Variants in OR2G6 observed in about 807,000 individuals in gnomAD.
OR2G6 encodes olfactory receptor family 2 subfamily G member 6.
For synonymous variants in OR2G6, 183 were observed against 155.2 expected, an observed-to-expected ratio of 1.18 and a Z score of -1.33; for missense variants, 457 against 391.3, an observed-to-expected ratio of 1.17 and a Z score of -1.42.
intron 1 of OR2G6, 104 bp from the exon 2 acceptor site, chr1:248,521,507 A>G: frequency 1.6e-6 from 1 of 639,594 alleles, no homozygotes; most frequent in Non-Finnish European, 2.7e-6. Context: ...AGGTCTTCAC[A>G]ACATGTTTTA....
Position 248,526,891 on chromosome 1 carries a change from T to A in OR2G6, c.*4294T>A, listed in dbSNP as rs566277813. 5 of 152,078 alleles carry A rather than the reference T, an allele frequency of 3.3e-5. No individual in the cohort carries two copies. The highest frequency in any genetic ancestry group is 6.6e-5 in the Admixed American group (1 of 15,256). 9.4% of individuals were successfully genotyped at this position (152,078 alleles called of 1,614,324 possible). A position where few individuals can be genotyped will look rare whatever the true frequency, so the allele number is the denominator to read the frequency against. On this transcript the variant is annotated 3_prime_UTR_variant, in exon 2 of 2. Transcript: ENST00000641804. ...AGTTCTTTGTAGATTCTGGATATTA[T>A]CCCTTTGTCAGATGAGTAGACTGCA... is the stretch of plus-strand genomic sequence containing the variant.
rs1396055615 is a variant in OR2G6, at chr1:248,526,728, T to C, written c.*4131T>C. 3.9e-5 allele frequency: 6 copies of C among 152,250 alleles called. No individual in the cohort carries two copies. Among genetic ancestry groups the C allele is most frequent in the African/African-American group, 1.4e-4 (6 of 41,470 alleles). The allele number at this position is 152,250 out of a possible 1,614,324, so 9.4% of individuals were successfully genotyped here. ...AGATGATATCTCATTGTGGTTTTGATTTGCATTTCTCTGATGGCCAGTGAT... is the reference window on the plus strand; with the variant it reads ...AGATGATATCTCATTGTGGTTTTGACTTGCATTTCTCTGATGGCCAGTGAT... On this transcript the variant is annotated 3_prime_UTR_variant, in exon 2 of 2. Transcript: ENST00000641804.
At position 248,522,329 on chromosome 1, in the gene OR2G6, T is replaced by C; in HGVS notation, c.683T>C (p.Ile228Thr). The C allele has an allele frequency of 6.2e-7, 1 of 1,614,158 alleles. No individual in the cohort carries two copies. Among genetic ancestry groups the C allele is most frequent in the Non-Finnish European group, 8.5e-7 (1 of 1,180,028 alleles). ...TTTATCACTCAAGCTGTGTTAAGGA[T>C]AAAATCAGCTGCGGGCCGCCAAAAG... ...YGFITQAVLR[I>T]KSAAGRQKAF... Residue 228 changes from isoleucine (I) to threonine (T), a missense_variant, in exon 2 of 2, where the codon ATA (isoleucine) becomes ACA (threonine). Transcript: ENST00000641804.
rs778185012 is a variant in OR2G6 at position 248,522,144 on chromosome 1, G to A, written c.498G>A (p.Leu166=). ...SLIQCSLTVQ[L]PLCGHRTLDH... ...TTCAGTGCTCCCTCACTGTGCAGCTGCCCCTCTGTGGTCATCGCACACTGG... is the reference window on the plus strand; with the variant it reads ...TTCAGTGCTCCCTCACTGTGCAGCTACCCCTCTGTGGTCATCGCACACTGG... Residue 166 remains leucine, a synonymous_variant, in exon 2 of 2, where the codon CTG becomes CTA. Transcript: ENST00000641804. The A allele has an allele frequency of 6.2e-7, 1 of 1,613,904 alleles. No homozygotes were observed. The highest frequency in any genetic ancestry group is 1.3e-5 in the African/African-American group (1 of 74,902).
rs547309005 is a variant in OR2G6, at chr1:248,508,995, T to G, written c.-37+566T>G. Among the ~76,000 whole-genome samples the G allele has an allele frequency of 2.2e-3, 251 of 113,546 alleles. 48 individuals are homozygous for G. The highest frequency in any genetic ancestry group is 9.4e-3 in the African/African-American group (232 of 24,692). 74.5% of individuals were successfully genotyped at this position (113,546 alleles called of 152,430 possible). ...TTGAGATCGTTTGTCATGTCTAAATTTGTTCATCATAATATATCCTGAGCT... is the reference window on the plus strand; with the variant it reads ...TTGAGATCGTTTGTCATGTCTAAATGTGTTCATCATAATATATCCTGAGCT... On this transcript the variant is annotated intron_variant, in intron 1 of 1. Coordinates refer to ENST00000641804, the MANE Select transcript of OR2G6 (RefSeq NM_001013355.2).
In OR2G6 at chr1:248,522,423, C is replaced by G. The variant is rs1337845077; in HGVS notation, c.777C>G (p.Tyr259Ter). Residue 259 changes from tyrosine (Y) to a stop codon, truncating the protein, a stop_gained, in exon 2 of 2, where the codon TAC becomes TAG. Coordinates refer to ENST00000641804, the MANE Select transcript of OR2G6 (RefSeq NM_001013355.2). LOFTEE classifies it low-confidence loss of function (END_TRUNC). ...IIFYGTIIFM[Y>*]LQPANRRSKN... ...TCTATGGGACCATCATATTCATGTA[C>G]CTTCAACCGGCCAATAGGAGATCCA... 1 of 1,614,034 alleles carries G rather than the reference C, an allele frequency of 6.2e-7. No individual in the cohort carries two copies. The highest frequency in any genetic ancestry group is 8.5e-7 in the Non-Finnish European group (1 of 1,180,034).
chr1:248,519,621 T>C (rs1471240453), intron 1 of OR2G6, among the ~76,000 whole-genome samples: 1 of 152,168 alleles, frequency 6.6e-6, no homozygotes. Context: ...TTGTCAGTTT[T>C]GTCAAAGATC....
In OR2G6 at chr1:248,522,316, G is replaced by GGAGA. The variant is rs1664308459; in HGVS notation, c.670_671insGAGA (p.Ala224GlyfsTer43). The GGAGA allele has an allele frequency of 1.2e-6, 2 of 1,614,042 alleles. No individual in the cohort carries two copies. The highest frequency in any genetic ancestry group is 1.3e-5 in the African/African-American group (1 of 74,900). ...AGTCTCCTATGGCTTTATCACTCAA[G>GGAGA]CTGTGTTAAGGATAAAATCAGCTGC... On this transcript the variant is annotated frameshift_variant, in exon 2 of 2. Transcript: ENST00000641804. LOFTEE classifies it low-confidence loss of function (END_TRUNC).
rs1664290358 is a variant in OR2G6 at position 248,521,779 on chromosome 1, C to A, written c.133C>A (p.Leu45Ile). 1.2e-6 allele frequency: 2 copies of A among 1,613,916 alleles called. No homozygotes were observed. The highest frequency in any genetic ancestry group is 1.3e-5 in the African/African-American group (1 of 74,918). ...CTTGAGCCTTCTGGGGAACACTGCC[C>A]TCATACTAGTATGTTGTCTGGACTC... The part of the protein sequence containing the change: ...YVLSLLGNTA[L>I]ILVCCLDSRL... The change falls in exon 2 of 2, where the codon CTC becomes ATC. Residue 45 changes from leucine (L) to isoleucine (I), a missense_variant. Leu to Ile is a conservative substitution (Grantham distance 5). Transcript: ENST00000641804.
chr1:248,520,701 C>A (rs35821898), intron 1 of OR2G6, among the ~76,000 whole-genome samples: 29,670 of 151,594 alleles, frequency 0.2, 3,145 homozygotes, highest in African/African-American at 0.25. Context: ...GGTGAAACAC[C>A]ATTTGTACTA....
At chr1:248,521,395 A>G (rs1007018811) in intron 1 of OR2G6, among the ~76,000 whole-genome samples, 1 of 152,192 alleles carries the variant, frequency 6.6e-6, no homozygotes, top group African/African-American at 2.4e-5. Flanking sequence ...AATAAAACAA[A>G]TGTTAATACA....
At chr1:248,520,343 C>G (rs986328275) in intron 1 of OR2G6, among the ~76,000 whole-genome samples, 1 of 152,098 alleles carries the variant, frequency 6.6e-6, no homozygotes, top group Non-Finnish European at 1.5e-5. Flanking sequence ...AATTTGATGG[C>G]TGCAGGAAAC....
At position 248,521,645 on chromosome 1, in the gene OR2G6, A is replaced by C. The variant is rs775413703; in HGVS notation, c.-2A>C. ...CTGAAGAGTCCTGAAGCTGCAGGAA[A>C]AATGGAGGAAACCAACAACAGCTCT... is the stretch of plus-strand genomic sequence containing the variant. On this transcript the variant is annotated 5_prime_UTR_variant, in exon 2 of 2. Coordinates refer to ENST00000641804, the MANE Select transcript of OR2G6 (RefSeq NM_001013355.2). The C allele has an allele frequency of 2.5e-6, 4 of 1,608,928 alleles. No homozygotes were observed.
Position 248,523,497 on chromosome 1 carries a change from G to A in OR2G6, c.*900G>A, listed in dbSNP as rs530888274. On this transcript the variant is annotated 3_prime_UTR_variant, in exon 2 of 2. Transcript: ENST00000641804. ...TTTTGGCCTTAAACTCTGGAAAACA[G>A]TTACTTATGTAATTTTATACTTCAA... 1 of 151,888 alleles carries A rather than the reference G, an allele frequency of 6.6e-6. No homozygotes were observed. Among genetic ancestry groups the A allele is most frequent in the African/African-American group, 2.4e-5 (1 of 41,248 alleles). 9.4% of individuals were successfully genotyped at this position (151,888 alleles called of 1,614,324 possible). A position where few individuals can be genotyped will look rare whatever the true frequency, so the allele number is the denominator to read the frequency against.
At position 248,525,992 on chromosome 1, in the gene OR2G6, T is replaced by C. The variant is rs1456966083; in HGVS notation, c.*3395T>C. 6.7e-6 allele frequency: 1 copy of C among 149,372 alleles called. No individual in the cohort carries two copies. The highest frequency in any genetic ancestry group is 2.5e-5 in the African/African-American group (1 of 40,612). The allele number at this position is 149,372 out of a possible 1,614,324, so 9.3% of individuals were successfully genotyped here. On this transcript the variant is annotated 3_prime_UTR_variant, in exon 2 of 2. Transcript: ENST00000641804. ...AAGATCGTGCCACTGTACTCCAGCC[T>C]GGGCAACAGAGCAAGACTCCATCTC...
chr1:248,519,954 A>G (rs1408550899), intron 1 of OR2G6, among the ~76,000 whole-genome samples: 1 of 119,668 alleles, frequency 8.4e-6, no homozygotes, highest in Non-Finnish European at 1.7e-5. Flanking sequence ...ATTATAAATC[A>G]TTCTATAAAG....
Position 248,522,487 on chromosome 1 carries a change from G to T in OR2G6, c.841G>T (p.Val281Phe). ...GTTTGTTTCTCTTTTCTATACCATA[G>T]TCACCCCACTTTTAAACCCCATTAT... is the stretch of plus-strand genomic sequence containing the variant. ...GKFVSLFYTIVTPLLNPIIYT... is the reference protein window; with the variant it reads ...GKFVSLFYTIFTPLLNPIIYT... Residue 281 changes from valine to phenylalanine, a missense_variant, in exon 2 of 2, where the codon GTC (valine) becomes TTC (phenylalanine). Transcript: ENST00000641804. 1 of 1,613,608 alleles carries T rather than the reference G, an allele frequency of 6.2e-7. No homozygotes were observed. The highest frequency in any genetic ancestry group is 1.1e-5 in the South Asian group (1 of 91,064).
In OR2G6 at chr1:248,522,863, A is replaced by C; in HGVS notation, c.*266A>C. ...AGCATGAGGGTTCATCCTCCCAGAC[A>C]TTCCTCTTGTCAATCCAAGACCCTG... On this transcript the variant is annotated 3_prime_UTR_variant, in exon 2 of 2. Coordinates refer to ENST00000641804, the MANE Select transcript of OR2G6 (RefSeq NM_001013355.2). 2 of 414,824 alleles carry C rather than the reference A, an allele frequency of 4.8e-6. No individual in the cohort carries two copies. Among genetic ancestry groups the C allele is most frequent in the Non-Finnish European group, 8.6e-6 (2 of 233,866 alleles). The allele number at this position is 414,824 out of a possible 1,614,324, so 25.7% of individuals were successfully genotyped here. A position where few individuals can be genotyped will look rare whatever the true frequency, so the allele number is the denominator to read the frequency against.
In OR2G6 at chr1:248,526,436, G is replaced by GA. The variant is rs1659099821; in HGVS notation, c.*3841dup. On this transcript the variant is annotated 3_prime_UTR_variant, in exon 2 of 2. Transcript: ENST00000641804. ...TGGTACCATAGGGATACTTAAAGTTGAATTTATCAATTGCTGGAAGCTCAT... is the reference window on the plus strand; with the variant it reads ...TGGTACCATAGGGATACTTAAAGTTGAAATTTATCAATTGCTGGAAGCTCAT... 1 of 152,168 alleles carries GA rather than the reference G, an allele frequency of 6.6e-6. No individual in the cohort carries two copies. The highest frequency in any genetic ancestry group is 1.5e-5 in the Non-Finnish European group (1 of 68,038). The allele number at this position is 152,168 out of a possible 1,614,324, so 9.4% of individuals were successfully genotyped here. A position where few individuals can be genotyped will look rare whatever the true frequency, so the allele number is the denominator to read the frequency against.
Sources: gnomAD v4.1 joint callset for allele counts (sites outside exome capture counted in the v4.1 genomes callset) on GRCh38, gnomAD v4.1.1 for gene constraint, MANE v1.5 for transcripts, NCBI Gene and HGNC (gene_info 2026-07-23, HGNC 2026-07-21) for gene names.